Variants in RAPGEF4 observed in about 807,000 individuals in gnomAD.
RAPGEF4 encodes RAP guanine-nucleotide-exchange factor (GEF) 4.
A neutral mutation model predicts 147.9 loss-of-function variants in RAPGEF4; 66 were observed. The observed-to-expected ratio is 0.45, with a 90% CI of 0.37 to 0.55. The LOEUF (loss-of-function observed/expected upper bound fraction) is 0.55. Ranked by LOEUF, RAPGEF4 falls within the 20% of genes least tolerant of loss-of-function variation. The probability of loss-of-function intolerance (pLI) is 0.00; values close to 1 mark genes in which losing one functional copy is unlikely to be tolerated. For synonymous variants in RAPGEF4, 419 were observed against 442.7 expected, an observed-to-expected ratio of 0.95 and a Z score of 0.67; for missense variants, 1,071 against 1,257.3, an observed-to-expected ratio of 0.85 and a Z score of 2.24.
chr2:172,977,353 A>C (rs901087892), intron 10 of RAPGEF4, among the ~76,000 whole-genome samples: 3 of 152,098 alleles, frequency 2.0e-5, no homozygotes, highest in African/African-American at 7.2e-5. Flanking sequence ...TTGCCAAGAG[A>C]AACCTGCTTT....
At chr2:172,856,004 G>A (rs942031013) in intron 4 of RAPGEF4, among the ~76,000 whole-genome samples, 3 of 151,826 alleles carry the variant, frequency 2.0e-5, no homozygotes, top group East Asian at 1.9e-4. Context: ...AGTTTATATC[G>A]TTTTTTAACC....
In RAPGEF4 at chr2:173,018,175, C is replaced by T. The variant is rs2105904953; in HGVS notation, c.2009-481C>T. Among the ~76,000 whole-genome samples the T allele has an allele frequency of 2.0e-5, 3 of 152,266 alleles. No homozygotes were observed. The East Asian group carries it at 5.8e-4, about 29-fold the overall frequency. ...CTAAGTCTGCTGAGCTAAATAGCATCCGAGCTTACATGGCCTGGCCCCAAA... is the reference window on the plus strand; with the variant it reads ...CTAAGTCTGCTGAGCTAAATAGCATTCGAGCTTACATGGCCTGGCCCCAAA... On this transcript the variant is annotated intron_variant, in intron 21 of 30. Coordinates refer to ENST00000397081, the MANE Select transcript of RAPGEF4 (RefSeq NM_007023.4).
intron 4 of RAPGEF4, among the ~76,000 whole-genome samples, chr2:172,859,828 G>A (rs1277352500): frequency 6.6e-6 from 1 of 152,130 alleles, no homozygotes; most frequent in Non-Finnish European, 1.5e-5. Flanking sequence ...CTGTTTTCGA[G>A]CATAAATCAT....
chr2:172,987,513 T>C (rs920640869), intron 12 of RAPGEF4, among the ~76,000 whole-genome samples: 6 of 152,228 alleles, frequency 3.9e-5, no homozygotes, highest in African/African-American at 1.4e-4. Flanking sequence ...TCAAAAATAT[T>C]CCAAAAAAAA....
At chr2:172,815,049 C>T (rs12693013) in intron 4 of RAPGEF4, among the ~76,000 whole-genome samples, 148,140 of 152,308 alleles carry the variant, frequency 0.97, 72,177 homozygotes, top group East Asian at 1. Flanking sequence ...AATCATCTTA[C>T]ATGCAGTCAT....
chr2:173,012,654 C>T (rs185824865), intron 17 of RAPGEF4, among the ~76,000 whole-genome samples: 1 of 152,316 alleles, frequency 6.6e-6, no homozygotes, highest in East Asian at 1.9e-4. Flanking sequence ...ATGATTTCTT[C>T]TCACCTCCTC....
intron 5 of RAPGEF4, among the ~76,000 whole-genome samples, chr2:172,919,550 A>T (rs1026882839): frequency 6.6e-6 from 1 of 151,808 alleles, no homozygotes; most frequent in African/African-American, 2.4e-5. Context: ...CTTATGGAAG[A>T]GTTTAGCCAT....
At chr2:172,781,451 G>A (rs1301797436) in intron 1 of RAPGEF4, among the ~76,000 whole-genome samples, 1 of 151,862 alleles carries the variant, frequency 6.6e-6, no homozygotes, top group East Asian at 1.9e-4. Flanking sequence ...TTAATTTTTA[G>A]CAGAGATGAG....
intron 17 of RAPGEF4, among the ~76,000 whole-genome samples, chr2:173,001,620 G>A (rs552942429): frequency 2.6e-5 from 4 of 152,252 alleles, no homozygotes; most frequent in South Asian, 2.1e-4. Context: ...AGAAATACCC[G>A]AGGCTGGGTA....
intron 4 of RAPGEF4, among the ~76,000 whole-genome samples, chr2:172,859,224 G>A (rs1693759071): frequency 6.6e-6 from 1 of 152,092 alleles, no homozygotes; most frequent in African/African-American, 2.4e-5. Flanking sequence ...GCTTAACAGT[G>A]GTTTAAGTCT....
In RAPGEF4 at chr2:172,928,282, T is replaced by C. The variant is rs1243990855; in HGVS notation, c.537+5982T>C. 3.1e-5 allele frequency: 14 copies of C among 450,116 alleles called. No individual in the cohort carries two copies. The East Asian group carries it at 9.0e-4, about 29-fold the overall frequency. 27.9% of individuals were successfully genotyped at this position (450,116 alleles called of 1,614,324 possible). A position where few individuals can be genotyped will look rare whatever the true frequency, so the allele number is the denominator to read the frequency against. On this transcript the variant is annotated intron_variant, in intron 6 of 30. Coordinates refer to ENST00000397081, the MANE Select transcript of RAPGEF4 (RefSeq NM_007023.4). ...TTGCTGAATTTCTTTCTGCTTTTTATTCCATCTGTTCCTCAACTCTTACAA... is the reference window on the plus strand; with the variant it reads ...TTGCTGAATTTCTTTCTGCTTTTTACTCCATCTGTTCCTCAACTCTTACAA...
At chr2:172,921,642 G>C (rs1221955425) in intron 5 of RAPGEF4, among the ~76,000 whole-genome samples, 1 of 152,190 alleles carries the variant, frequency 6.6e-6, no homozygotes, top group African/African-American at 2.4e-5. Flanking sequence ...AGGTAAAAAG[G>C]AATAGGACTG....
At chr2:172,874,753 G>A (rs1312556157) in intron 4 of RAPGEF4, among the ~76,000 whole-genome samples, 2 of 152,172 alleles carry the variant, frequency 1.3e-5, no homozygotes, top group African/African-American at 4.8e-5. Context: ...AATCCTTCGG[G>A]TATATACCCA....
rs577578915 is a variant in RAPGEF4, at chr2:172,742,367, C to G, written c.65+6319C>G. On this transcript the variant is annotated intron_variant, in intron 1 of 30. Coordinates refer to ENST00000397081, the MANE Select transcript of RAPGEF4 (RefSeq NM_007023.4). Reference sequence around the variant, plus strand: ...CCTTGTAATACATTTCTTGAAGAAACTGGGTTGTTGTTGTTTTTTTCAGTC... The same window carrying G: ...CCTTGTAATACATTTCTTGAAGAAAGTGGGTTGTTGTTGTTTTTTTCAGTC... Among the ~76,000 whole-genome samples the G allele has an allele frequency of 3.3e-5, 5 of 152,188 alleles. No individual in the cohort carries two copies. The East Asian group carries it at 9.6e-4, about 29-fold the overall frequency.
chr2:172,745,919 A>C (rs1694726174), intron 1 of RAPGEF4, among the ~76,000 whole-genome samples: 1 of 152,204 alleles, frequency 6.6e-6, no homozygotes, highest in Non-Finnish European at 1.5e-5. Flanking sequence ...CATAATTCTA[A>C]AGAAACATTA....
chr2:172,931,297 A>G (rs1231990952), intron 6 of RAPGEF4, among the ~76,000 whole-genome samples: 1 of 151,966 alleles, frequency 6.6e-6, no homozygotes. Context: ...AGATAAGATC[A>G]CATCCTGTTT....
rs750755318 is a variant in RAPGEF4, at chr2:173,036,222, A to G, written c.2788+10A>G. 5.1e-6 allele frequency: 8 copies of G among 1,579,762 alleles called. No individual in the cohort carries two copies. The East Asian group carries it at 1.3e-4, about 27-fold the overall frequency. On this transcript the variant is annotated intron_variant, in intron 28 of 30. Coordinates refer to ENST00000397081, the MANE Select transcript of RAPGEF4 (RefSeq NM_007023.4). Reference sequence around the variant, plus strand: ...CCTTTGCTCATTAAAGGTAATCCTAATAAGATGCACAGGCCAAGCAGGTGA... The same window carrying G: ...CCTTTGCTCATTAAAGGTAATCCTAGTAAGATGCACAGGCCAAGCAGGTGA...
At chr2:172,989,710 G>A (rs576464373) in intron 14 of RAPGEF4, among the ~76,000 whole-genome samples, 8 of 152,206 alleles carry the variant, frequency 5.3e-5, no homozygotes, top group Non-Finnish European at 7.4e-5. Flanking sequence ...GGTCCTTCCC[G>A]CCCTAGCTTG....
intron 23 of RAPGEF4, among the ~76,000 whole-genome samples, chr2:173,025,646 T>A (rs539176481): frequency 6.6e-6 from 1 of 152,344 alleles, no homozygotes; most frequent in East Asian, 1.9e-4. Context: ...TTTCGCCATG[T>A]TGGCCAGGCT....
Sources: allele counts gnomAD v4.1 joint callset (sites outside exome capture counted in the v4.1 genomes callset), GRCh38; gene constraint gnomAD v4.1.1; transcripts MANE v1.5; gene names NCBI Gene and HGNC (gene_info 2026-07-23, HGNC 2026-07-21).